Variants in RUNX2 observed in about 807,000 individuals in gnomAD.
The protein encoded by RUNX2 is RUNX family transcription factor 2.
Under a neutral mutation model 51.7 loss-of-function variants are expected in RUNX2, and 10 were observed. The ratio of observed to expected loss-of-function variants is 0.19; its 90% CI spans 0.12 to 0.33. The LOEUF (loss-of-function observed/expected upper bound fraction) is 0.33, where lower values mean the gene tolerates loss of function less well. RUNX2 is among the 10% of genes least tolerant of loss of function. The pLI is 1.00. For synonymous variants in RUNX2, 276 were observed against 273.6 expected (o/e 1.01, Z -0.09); for missense variants, 562 against 691.3 (o/e 0.81, Z 2.10).
rs529824589 is a variant in RUNX2, at chr6:45,357,803, A to G, written c.58+29019A>G. 4.6e-5 allele frequency among the ~76,000 whole-genome samples: 7 copies of G among 152,328 alleles called. No individual in the cohort carries two copies. In the South Asian group the frequency reaches 1.5e-3, roughly 32 times the overall value. ...AAATGAGAACCTAAAACTCACAATGACATTACATATTCAATTACACATGCT... is the reference window on the plus strand; with the variant it reads ...AAATGAGAACCTAAAACTCACAATGGCATTACATATTCAATTACACATGCT... On this transcript the variant is annotated intron_variant, in intron 2 of 8. Coordinates refer to ENST00000647337, the MANE Select transcript of RUNX2 (RefSeq NM_001024630.4).
At chr6:45,477,654 C>A (rs1163218636) in intron 5 of RUNX2, among the ~76,000 whole-genome samples, 1 of 152,182 alleles carries the variant, frequency 6.6e-6, no homozygotes, top group East Asian at 1.9e-4. Context: ...CACATTCACT[C>A]CCTCAAATCT....
At chr6:45,387,716 C>T (rs1054427083) in intron 2 of RUNX2, among the ~76,000 whole-genome samples, 3 of 152,156 alleles carry the variant, frequency 2.0e-5, no homozygotes, top group African/African-American at 7.2e-5. Context: ...TTACCTTAAA[C>T]ACAGTCAATG....
At chr6:45,454,934 T>C (rs2150382419) in intron 5 of RUNX2, among the ~76,000 whole-genome samples, 1 of 152,200 alleles carries the variant, frequency 6.6e-6, no homozygotes, top group East Asian at 1.9e-4. Flanking sequence ...GCCAACATAG[T>C]GAAACCCCGT....
chr6:45,498,521 C>A (rs2150411507), intron 6 of RUNX2, among the ~76,000 whole-genome samples: 1 of 152,244 alleles, frequency 6.6e-6, no homozygotes, highest in Admixed American at 6.5e-5. Context: ...CGGGAGTTAG[C>A]ATTAGGAATA....
intron 7 of RUNX2, among the ~76,000 whole-genome samples, chr6:45,526,732 A>T (rs776531077): frequency 3.9e-5 from 6 of 152,222 alleles, no homozygotes; most frequent in Non-Finnish European, 7.3e-5. Context: ...TGGCATAATA[A>T]TTAAACAGTC....
chr6:45,515,102 G>C (rs950952668), intron 7 of RUNX2, among the ~76,000 whole-genome samples: 2 of 151,938 alleles, frequency 1.3e-5, no homozygotes, highest in Non-Finnish European at 2.9e-5. Flanking sequence ...GCAGTCCTGT[G>C]GTCTCTTTTT....
At chr6:45,424,181 C>T (rs1798320842) in intron 3 of RUNX2, among the ~76,000 whole-genome samples, 1 of 152,152 alleles carries the variant, frequency 6.6e-6, no homozygotes, top group Non-Finnish European at 1.5e-5. Flanking sequence ...GCGGGAGTCG[C>T]AGGCAGGTGC....
chr6:45,423,314 C>A (rs1274449991), intron 3 of RUNX2, among the ~76,000 whole-genome samples: 12 of 152,160 alleles, frequency 7.9e-5, no homozygotes, highest in African/African-American at 2.2e-4. Context: ...TCTTGCACTG[C>A]GAGCGGACTT....
In RUNX2 at chr6:45,547,232, G is replaced by A. The variant is rs1322886581; in HGVS notation, c.1493G>A (p.Gly498Glu). 1.2e-6 allele frequency: 2 copies of A among 1,614,178 alleles called. No homozygotes were observed. The highest frequency in any genetic ancestry group is 1.7e-6 in the Non-Finnish European group (2 of 1,180,040). Residue 498 changes from glycine to glutamate, a missense_variant, in exon 9 of 9, where the codon GGA becomes GAA. Around this residue, in one of 5 missense-constraint regions of RUNX2, gnomAD observed 304 missense variants for 353.2 expected, o/e 0.86. Transcript: ENST00000647337. ...PNQNDGVDAD[G>E]SHSSSPTVLN... ...CAGAATGATGGTGTTGACGCTGATG[G>A]AAGCCACAGCAGTTCCCCAACTGTT... is the stretch of plus-strand genomic sequence containing the variant.
chr6:45,450,518 C>T (rs921684458), intron 5 of RUNX2, among the ~76,000 whole-genome samples: 13 of 152,160 alleles, frequency 8.5e-5, no homozygotes, highest in African/African-American at 2.9e-4. Flanking sequence ...AGTAAACAAA[C>T]ATTTCTCTAT....
intron 2 of RUNX2, among the ~76,000 whole-genome samples, chr6:45,345,045 A>T (rs1790567896): frequency 6.6e-6 from 1 of 152,190 alleles, no homozygotes; most frequent in Non-Finnish European, 1.5e-5. Flanking sequence ...GCTGTACATT[A>T]AAACGTTCCT....
chr6:45,339,117 C>T (rs890747426), intron 2 of RUNX2, among the ~76,000 whole-genome samples: 2 of 151,968 alleles, frequency 1.3e-5, no homozygotes. Context: ...GGCCTTATTG[C>T]TTGACTATAA....
At chr6:45,411,826 T>TA (rs1391208379) in intron 2 of RUNX2, among the ~76,000 whole-genome samples, 1 of 151,838 alleles carries the variant, frequency 6.6e-6, no homozygotes, top group Non-Finnish European at 1.5e-5. Flanking sequence ...ACAGAATAAA[T>TA]AAAAAAACTA....
At chr6:45,393,626 C>G (rs1797521539) in intron 2 of RUNX2, among the ~76,000 whole-genome samples, 1 of 152,080 alleles carries the variant, frequency 6.6e-6, no homozygotes, top group Non-Finnish European at 1.5e-5. Context: ...GACGGGATTT[C>G]ACCATGTTAG....
chr6:45,497,527 A>T (rs572395880), intron 6 of RUNX2, among the ~76,000 whole-genome samples: 1 of 151,988 alleles, frequency 6.6e-6, no homozygotes, highest in South Asian at 2.1e-4. Flanking sequence ...CTGCCTAGAC[A>T]CTCTTCCTTG....
intron 3 of RUNX2, among the ~76,000 whole-genome samples, chr6:45,427,190 T>C (rs1798405566): frequency 1.3e-5 from 2 of 152,104 alleles, no homozygotes; most frequent in South Asian, 4.1e-4. Context: ...TAAATACTTA[T>C]AAAATTTTTT....
intron 7 of RUNX2, among the ~76,000 whole-genome samples, chr6:45,523,309 A>G (rs1379271987): frequency 6.6e-6 from 1 of 152,078 alleles, no homozygotes; most frequent in Non-Finnish European, 1.5e-5. Flanking sequence ...CTTATTGCCC[A>G]GGCTGGAGTG....
intron 6 of RUNX2, among the ~76,000 whole-genome samples, chr6:45,500,897 G>A (rs543512980): frequency 3.1e-4 from 47 of 152,212 alleles, no homozygotes; most frequent in Non-Finnish European, 5.6e-4. Flanking sequence ...GTGGGGGAAT[G>A]TCCTGCAGGT....
rs1232870008 is a variant in RUNX2 at position 45,410,308 on chromosome 6, A to T, written c.59-12285A>T. ...TCCATTGTAGTTGAAGTTCAAGATG[A>T]TAAAAGCCTGAACCTAAAGCAGTGA... On this transcript the variant is annotated intron_variant, in intron 2 of 8. Coordinates refer to ENST00000647337, the MANE Select transcript of RUNX2 (RefSeq NM_001024630.4). Among the ~76,000 whole-genome samples the T allele has an allele frequency of 2.0e-5, 3 of 152,234 alleles. 1 individual carries two copies. The highest frequency in any genetic ancestry group is 4.8e-5 in the African/African-American group (2 of 41,458).
Sources: allele counts gnomAD v4.1 joint callset (sites outside exome capture counted in the v4.1 genomes callset), GRCh38; gene constraint gnomAD v4.1.1; regional missense constraint gnomAD v4.1.1; transcripts MANE v1.5; gene names NCBI Gene and HGNC (gene_info 2026-07-23, HGNC 2026-07-21).